The following HSPG2 variants were observed in gnomAD, a reference collection of about 807,000 sequenced individuals.
HSPG2 encodes the protein basement membrane-specific heparan sulfate proteoglycan core protein.
In HSPG2, 278 loss-of-function variants were observed where a neutral mutation model predicts 526.6. The observed-to-expected ratio is 0.53, with a 90% CI of 0.48 to 0.58. The LOEUF (loss-of-function observed/expected upper bound fraction) is 0.58, where lower values mean the gene tolerates loss of function less well. Among genes scored for constraint, HSPG2 ranks in the 20% least tolerant of loss-of-function variants. HSPG2 has a pLI of 0.00. For synonymous variants in HSPG2, 2,465 were observed against 2,555.4 expected (o/e 0.96, Z 1.07); for missense variants, 5,354 against 6,099.5 (o/e 0.88, Z 4.07).
rs368644276 is a variant in HSPG2 at position 21,864,235 on chromosome 1, G to T, written c.4627-22C>A. The T allele has an allele frequency of 6.5e-6, 10 of 1,542,594 alleles. No homozygotes were observed. The highest frequency in any genetic ancestry group is 8.8e-6 in the Non-Finnish European group (10 of 1,140,100). ...AGTCCTAGGGGCAGAGAGGAAGGTT[G>T]GCCTCTGTTCCCAACGTGCCCCACC... On this transcript the variant is annotated intron_variant, in intron 36 of 96. Transcript: ENST00000374695. This position sits in a 1 kb window ranked among gnomAD's most constrained non-coding sequence, Gnocchi z 4.8.
chr1:21,847,035 T>C lies in HSPG2; in HGVS notation c.8164+319A>G, dbSNP rs184158620. 2.2e-4 allele frequency among the ~76,000 whole-genome samples: 33 copies of C among 152,274 alleles called. No homozygotes were observed. Among genetic ancestry groups the C allele is most frequent in the South Asian group, 6.2e-4 (3 of 4,826 alleles). On this transcript the variant is annotated intron_variant, in intron 62 of 96. Transcript: ENST00000374695. The surrounding 1 kb of genome is among the most constrained non-coding windows in gnomAD (Gnocchi z 4.1). The stretch of plus-strand genomic sequence containing the variant: ...AAATGATAATAATAGTTAACACTTA[T>C]AAAGCACTTCTGGCATGCCAGGCAC...
At chr1:21,886,364 G>C (rs537613642) in intron 9 of HSPG2, among the ~76,000 whole-genome samples, 1 of 41,946 alleles carries the variant, frequency 2.4e-5, no homozygotes, top group African/African-American at 8.3e-5. Flanking sequence ...CTGTGGCATG[G>C]TGCAGCCTCT....
At chr1:21,823,788 C>T in intron 95 of HSPG2, 69 bp from the exon 96 acceptor site, 1 of 1,213,094 alleles carries the variant, frequency 8.2e-7, no homozygotes, top group Non-Finnish European at 1.2e-6. Context: ...CGACAGAGTC[C>T]CCTCCCTCTG....
Position 21,850,168 on chromosome 1 carries a change from C to T in HSPG2, c.7319G>A (p.Arg2440Gln), listed in dbSNP as rs779169378. The T allele has an allele frequency of 1.3e-5, 21 of 1,613,274 alleles. No individual in the cohort carries two copies. The highest frequency in any genetic ancestry group is 1.6e-4 in the Middle Eastern group (1 of 6,084). Reference sequence around the variant, plus strand: ...CACTTGCGAAGACGATGACTCGATCCGGACCGTGGGGGTGACCCCAAGTGC... The same window carrying T: ...CACTTGCGAAGACGATGACTCGATCTGGACCGTGGGGGTGACCCCAAGTGC... ...VPALGVTPTV[R>Q]IESSSSQVAE... Residue 2440 changes from arginine to glutamine, a missense_variant, in exon 57 of 97, where the codon CGG becomes CAG. Coordinates refer to ENST00000374695, the MANE Select transcript of HSPG2 (RefSeq NM_005529.7).
Position 21,833,501 on chromosome 1 carries a change from G to C in HSPG2, c.10944C>G (p.Gly3648=). 1 of 1,614,228 alleles carries C rather than the reference G, an allele frequency of 6.2e-7. No homozygotes were observed. The highest frequency in any genetic ancestry group is 2.2e-5 in the East Asian group (1 of 44,876). ...TYVCTATNRQ[G]KVKAFAHLQV... is the part of the protein sequence containing the mutation. ...GCAGGTGGGCAAAGGCTTTGACCTT[G>C]CCCTGGCGGTTAGTGGCGGTGCAGA... Residue 3648 remains glycine, a synonymous_variant, in exon 79 of 97, where the codon GGC becomes GGG. Coordinates refer to ENST00000374695, the MANE Select transcript of HSPG2 (RefSeq NM_005529.7).
intron 1 of HSPG2, among the ~76,000 whole-genome samples, chr1:21,906,942 T>C (rs1643410460): frequency 6.6e-6 from 1 of 152,154 alleles, no homozygotes; most frequent in Admixed American, 6.5e-5. Flanking sequence ...AAGGAGGCTC[T>C]TGAAGATAAG....
At chr1:21,841,746 T>A (rs368616465) in intron 69 of HSPG2, 73 bp from the exon 70 acceptor site, 60 of 1,585,856 alleles carry the variant, frequency 3.8e-5, no homozygotes, top group African/African-American at 3.0e-4. Flanking sequence ...TGCCAGCCTG[T>A]GCCCCTGGGC....
Position 21,860,187 on chromosome 1 carries a change from G to A in HSPG2, c.5004C>T (p.Cys1668=). 6.2e-7 allele frequency: 1 copy of A among 1,613,802 alleles called. No individual in the cohort carries two copies. Among genetic ancestry groups the A allele is most frequent in the Non-Finnish European group, 8.5e-7 (1 of 1,179,940 alleles). Residue 1668 remains cysteine (C), a synonymous_variant, in exon 40 of 97, where the codon TGC becomes TGT. Transcript: ENST00000374695. ...CATGGTCCCACTTACTCTCTGGCAG[G>A]CACTGGCCCCCTTGCACACTGGGGT... The part of the protein sequence containing the change: ...VGNPSVQGGQ[C]LPETNQAPLV...
At position 21,828,033 on chromosome 1, in the gene HSPG2, G is replaced by T; in HGVS notation, c.12529C>A (p.Gln4177Lys). 6.2e-7 allele frequency: 1 copy of T among 1,613,664 alleles called. No homozygotes were observed. The highest frequency in any genetic ancestry group is 8.5e-7 in the Non-Finnish European group (1 of 1,180,012). ...LPGFSGPRCQ[Q>K]GSGHGIAESD... Reference sequence around the variant, plus strand: ...GAGAGAAGCCAGGCCTGGGTACCTTGTTGGCAGCGTGGGCCAGAGAAGCCA... The same window carrying T: ...GAGAGAAGCCAGGCCTGGGTACCTTTTTGGCAGCGTGGGCCAGAGAAGCCA... The change falls in exon 90 of 97, where the codon CAA (glutamine) becomes AAA (lysine). Residue 4177 changes from glutamine (Q) to lysine (K), a missense_variant. Physicochemically the swap from Gln to Lys is moderately conservative, Grantham distance 53. Transcript: ENST00000374695. The surrounding 1 kb of genome is among the most constrained non-coding windows in gnomAD (Gnocchi z 6.0).
intron 77 of HSPG2, 116 bp downstream of exon 77, chr1:21,834,563 G>T: frequency 7.8e-7 from 1 of 1,284,736 alleles, no homozygotes; most frequent in Non-Finnish European, 1.1e-6. Context: ...CACACACAAT[G>T]GAAAATGTCC....
intron 3 of HSPG2, among the ~76,000 whole-genome samples, chr1:21,894,625 T>G (rs1372325481): frequency 1.3e-5 from 2 of 152,080 alleles, no homozygotes; most frequent in African/African-American, 4.8e-5. Context: ...CAGCTGCTTC[T>G]CAGGAAGGGC....
At chr1:21,878,159 T>C (rs763275755) in intron 21 of HSPG2, 27 bp downstream of exon 21, 3 of 1,608,108 alleles carry the variant, frequency 1.9e-6, no homozygotes, top group East Asian at 4.5e-5. Context: ...CCAAGGCCCC[T>C]GGGTGGGTGG....
At chr1:21,907,508 CT>C (rs1001374718) in intron 1 of HSPG2, among the ~76,000 whole-genome samples, 2 of 152,136 alleles carry the variant, frequency 1.3e-5, no homozygotes, top group Non-Finnish European at 2.9e-5. Flanking sequence ...GTTTGGGCCC[CT>C]TCCCAAACAC....
chr1:21,892,840 G>A (rs547682591), intron 3 of HSPG2, among the ~76,000 whole-genome samples: 29 of 135,016 alleles, frequency 2.1e-4, no homozygotes, highest in African/African-American at 8.1e-4. Context: ...TCCAGCCTGG[G>A]TGACAGAGTG....
At position 21,859,761 on chromosome 1, in the gene HSPG2, G is replaced by A. The variant is rs1639647337; in HGVS notation, c.5182+74C>T. 1 of 1,587,912 alleles carries A rather than the reference G, an allele frequency of 6.3e-7. No homozygotes were observed. Among genetic ancestry groups the A allele is most frequent in the Non-Finnish European group, 8.6e-7 (1 of 1,165,150 alleles). Reference sequence around the variant, plus strand: ...CATGCACAAGGACAGCATCCCACTAGGGCAGGGACAGGCCCCTGCCTCCCC... The same window carrying A: ...CATGCACAAGGACAGCATCCCACTAAGGCAGGGACAGGCCCCTGCCTCCCC... On this transcript the variant is annotated intron_variant, in intron 41 of 96. Transcript: ENST00000374695. This position sits in a 1 kb window ranked among gnomAD's most constrained non-coding sequence, Gnocchi z 5.3.
At position 21,855,851 on chromosome 1, in the gene HSPG2, G is replaced by A. The variant is rs374865097; in HGVS notation, c.5637C>T (p.Pro1879=). 41 of 1,613,028 alleles carry A rather than the reference G, an allele frequency of 2.5e-5. No homozygotes were observed. The highest frequency in any genetic ancestry group is 2.3e-4 in the Admixed American group (14 of 60,016). Residue 1879 remains proline, a synonymous_variant, in exon 45 of 97, where the codon CCC becomes CCT. Coordinates refer to ENST00000374695, the MANE Select transcript of HSPG2 (RefSeq NM_005529.7). ...SIHPPQLTVQ[P]GQLAEFRCSA... ...TGCAGCGGAACTCCGCCAGTTGCCC[G>A]GGCTGCACTGTGAGCTGTGGCGGAT...
rs146725327 is a variant in HSPG2, at chr1:21,848,046, C to G, written c.7785G>C (p.Ser2595=). ...LRIPQVTPAD[S]GEYVCHVSNG... is the part of the protein sequence containing the mutation. ...TACTGACGTGACACACGTACTCGCC[C>G]GAGTCTGCCGGAGTCACCTGAGGGA... is the stretch of plus-strand genomic sequence containing the variant. The change falls in exon 60 of 97, where the codon TCG becomes TCC. Residue 2595 remains serine (S), a synonymous_variant. Coordinates refer to ENST00000374695, the MANE Select transcript of HSPG2 (RefSeq NM_005529.7). The surrounding 1 kb of genome is among the most constrained non-coding windows in gnomAD (Gnocchi z 4.9). 6.2e-6 allele frequency: 10 copies of G among 1,613,024 alleles called. No homozygotes were observed. Among genetic ancestry groups the G allele is most frequent in the Middle Eastern group, 1.6e-4 (1 of 6,084 alleles).
chr1:21,900,241 C>T (rs79503680), intron 1 of HSPG2, among the ~76,000 whole-genome samples: 1 of 152,196 alleles, frequency 6.6e-6, no homozygotes, highest in Non-Finnish European at 1.5e-5. Context: ...CCAGACCCTG[C>T]AGTTCCTGGT....
chr1:21,831,395 G>T, intron 83 of HSPG2, 68 bp downstream of exon 83: 1 of 1,601,002 alleles, frequency 6.2e-7, no homozygotes, highest in South Asian at 1.1e-5. Context: ...GCCCTCCCAG[G>T]CTCTCCAGGG....
Sources: gnomAD v4.1 joint callset for allele counts (sites outside exome capture counted in the v4.1 genomes callset) on GRCh38, gnomAD v4.1.1 for gene constraint, Gnocchi (gnomAD v3.1) non-coding constraint, MANE v1.5 for transcripts, NCBI Gene and HGNC (gene_info 2026-07-23, HGNC 2026-07-21) for gene names.